BAZ1B: variants seen among roughly 807,000 people sequenced by gnomAD.
The protein encoded by BAZ1B is bromodomain adjacent to zinc finger domain 1B.
Under a neutral mutation model 153.8 loss-of-function variants are expected in BAZ1B, and 22 were observed. That is an observed-to-expected ratio of 0.14 (90% CI 0.10 to 0.20). The LOEUF (loss-of-function observed/expected upper bound fraction) is 0.20, where lower values mean the gene tolerates loss of function less well. Among genes scored for constraint, BAZ1B ranks in the 10% least tolerant of loss-of-function variants. BAZ1B has a pLI of 1.00. For synonymous variants in BAZ1B, 676 were observed against 633.4 expected (o/e 1.07, Z -1.01); for missense variants, 1,325 against 1,799.3 (o/e 0.74, Z 4.77).
At chr7:73,472,733 C>G (rs1214263379) in intron 7 of BAZ1B, among the ~76,000 whole-genome samples, 2 of 128,132 alleles carry the variant, frequency 1.6e-5, no homozygotes, top group Admixed American at 1.7e-4. Flanking sequence ...TGTGCCACCA[C>G]AGCCAGCTAA....
intron 6 of BAZ1B, among the ~76,000 whole-genome samples, chr7:73,479,434 G>C (rs1029201167): frequency 4.0e-5 from 6 of 150,936 alleles, no homozygotes; most frequent in African/African-American, 1.5e-4. Context: ...CTTGAACCCG[G>C]GAGGAGGAGG....
chr7:73,486,227 A>G (rs1309809624), intron 6 of BAZ1B, among the ~76,000 whole-genome samples: 1 of 152,200 alleles, frequency 6.6e-6, no homozygotes, highest in Non-Finnish European at 1.5e-5. Context: ...CCTCATCATC[A>G]TATTAGGTAC....
At chr7:73,521,705 G>T in intron 1 of BAZ1B, 122 bp downstream of exon 1, 2 of 747,224 alleles carry the variant, frequency 2.7e-6, no homozygotes, top group Non-Finnish European at 3.7e-6. Context: ...GCCCGCGAGC[G>T]GCCGGGGCGC....
chr7:73,484,580 C>CT (rs1179252409), intron 6 of BAZ1B, among the ~76,000 whole-genome samples: 1 of 151,904 alleles, frequency 6.6e-6, no homozygotes, highest in East Asian at 1.9e-4. Flanking sequence ...GAGGTCAAGA[C>CT]TGCAGTGAGC....
chr7:73,500,643 C>G (rs1272177225), intron 3 of BAZ1B, among the ~76,000 whole-genome samples: 1 of 152,098 alleles, frequency 6.6e-6, no homozygotes, highest in Non-Finnish European at 1.5e-5. Flanking sequence ...GTAATCCCAG[C>G]ACTTTGGGAG....
Position 73,508,366 on chromosome 7 carries a change from G to C in BAZ1B, c.330C>G (p.Ile110Met). Residue 110 changes from isoleucine (I) to methionine (M), a missense_variant, in exon 3 of 20, where the codon ATC becomes ATG. Ile to Met is a conservative substitution (Grantham distance 10). Around this residue, in one of 9 missense-constraint regions of BAZ1B, gnomAD observed 153 missense variants for 204.8 expected, o/e 0.75. Coordinates refer to ENST00000339594, the MANE Select transcript of BAZ1B (RefSeq NM_032408.4). ...CTTCTCCCACAGCATATTTGGTCAT[G>C]ATCTCCAACCAAGCAGTATCTACTA... ...EKLVDTAWLE[I>M]MTKYAVGEEC... 1 of 1,613,962 alleles carries C rather than the reference G, an allele frequency of 6.2e-7. No individual in the cohort carries two copies. Among genetic ancestry groups the C allele is most frequent in the Non-Finnish European group, 8.5e-7 (1 of 1,179,950 alleles).
intron 12 of BAZ1B, among the ~76,000 whole-genome samples, chr7:73,460,033 A>C (rs1788337878): frequency 2.6e-5 from 4 of 151,964 alleles, no homozygotes; most frequent in Admixed American, 2.6e-4. Flanking sequence ...CATCTCTACT[A>C]AAAATACAAA....
Position 73,510,817 on chromosome 7 carries a change from C to T in BAZ1B, c.143G>A (p.Arg48His), listed in dbSNP as rs782307839. The T allele has an allele frequency of 4.3e-6, 7 of 1,614,128 alleles. No individual in the cohort carries two copies. In the Admixed American group the frequency reaches 6.7e-5, roughly 15 times the overall value. Residue 48 changes from arginine to histidine, a missense_variant, in exon 2 of 20, where the codon CGC becomes CAC. Transcript: ENST00000339594. ...TCCAGTACTCTTGCACGTCCAAATG[C>T]GCTCACTGTACCTTTCCAAGCGGGC... ...YEARLERYSE[R>H]IWTCKSTGSS...
intron 5 of BAZ1B, among the ~76,000 whole-genome samples, chr7:73,490,359 G>C (rs1385161243): frequency 6.6e-6 from 1 of 152,072 alleles, no homozygotes; most frequent in East Asian, 1.9e-4. Context: ...ACTTTTAAAA[G>C]TCACTTAATA....
intron 6 of BAZ1B, among the ~76,000 whole-genome samples, chr7:73,486,828 A>G (rs1563386930): frequency 6.6e-6 from 1 of 152,376 alleles, no homozygotes; most frequent in South Asian, 2.1e-4. Context: ...TTCTAGAAAA[A>G]GAAAGAAAAC....
intron 17 of BAZ1B, among the ~76,000 whole-genome samples, chr7:73,443,152 A>C (rs1467472807): frequency 5.3e-5 from 8 of 152,236 alleles, no homozygotes; most frequent in Non-Finnish European, 1.2e-4. Flanking sequence ...TAGCTCTCAG[A>C]GAACAGGTGG....
intron 4 of BAZ1B, among the ~76,000 whole-genome samples, chr7:73,493,454 C>G (rs1273732790): frequency 6.6e-6 from 1 of 151,188 alleles, no homozygotes; most frequent in Non-Finnish European, 1.5e-5. Context: ...AGCAAGACTC[C>G]GTCTCAAAAA....
At chr7:73,512,349 T>A (rs1429640613) in intron 1 of BAZ1B, among the ~76,000 whole-genome samples, 1 of 152,044 alleles carries the variant, frequency 6.6e-6, no homozygotes, top group Non-Finnish European at 1.5e-5. Context: ...GTGTATTTTA[T>A]GTGTGGCCCG....
intron 12 of BAZ1B, among the ~76,000 whole-genome samples, chr7:73,460,403 T>C (rs1166927386): frequency 6.6e-6 from 1 of 152,204 alleles, no homozygotes; most frequent in African/African-American, 2.4e-5. Flanking sequence ...TCCATCTTAA[T>C]GTTTTTTTAA....
intron 6 of BAZ1B, among the ~76,000 whole-genome samples, chr7:73,480,290 T>C (rs1231139077): frequency 6.6e-6 from 1 of 151,856 alleles, no homozygotes; most frequent in Non-Finnish European, 1.5e-5. Flanking sequence ...CTGATACACA[T>C]CTCATCTCCT....
Position 73,498,629 on chromosome 7 carries a change from C to A in BAZ1B, c.439G>T (p.Ala147Ser), listed in dbSNP as rs1554576682. The A allele has an allele frequency of 1.9e-6, 3 of 1,614,122 alleles. No individual in the cohort carries two copies. Among genetic ancestry groups the A allele is most frequent in the Admixed American group, 1.7e-5 (1 of 60,012 alleles). The stretch of plus-strand genomic sequence containing the variant: ...GCACCATCAGATTTCTTCTCAGTGG[C>A]CTCTTCATCCACTTTCTCCAAAGGA... ...IHPLEKVDEE[A>S]TEKKSDGACD... The change falls in exon 4 of 20, where the codon GCC becomes TCC. Residue 147 changes from alanine to serine, a missense_variant. Ala to Ser is a moderately conservative substitution (Grantham distance 99, BLOSUM62 1). Transcript: ENST00000339594.
chr7:73,468,767 C>T (rs1788687766), intron 9 of BAZ1B, among the ~76,000 whole-genome samples: 1 of 152,122 alleles, frequency 6.6e-6, no homozygotes, highest in Admixed American at 6.6e-5. Flanking sequence ...CTGCTATACC[C>T]CTAGCGTATG....
Position 73,522,220 on chromosome 7 carries a change from G to A in BAZ1B, c.-287C>T, listed in dbSNP as rs1554580391. On this transcript the variant is annotated 5_prime_UTR_variant, in exon 1 of 20. Transcript: ENST00000339594. ...GGCCGGCAGTCACGACTCCTCCTCAGCAGCACCGGAGGAAATTATTGAAAA... is the reference window on the plus strand; with the variant it reads ...GGCCGGCAGTCACGACTCCTCCTCAACAGCACCGGAGGAAATTATTGAAAA... 1.3e-5 allele frequency: 5 copies of A among 387,420 alleles called. No homozygotes were observed. Among genetic ancestry groups the A allele is most frequent in the African/African-American group, 2.1e-5 (1 of 48,120 alleles). 24.0% of individuals were successfully genotyped at this position (387,420 alleles called of 1,614,324 possible). A position where few individuals can be genotyped will look rare whatever the true frequency, so the allele number is the denominator to read the frequency against.
intron 12 of BAZ1B, 93 bp downstream of exon 12, chr7:73,462,829 A>G: frequency 7.5e-7 from 1 of 1,331,758 alleles, no homozygotes; most frequent in Non-Finnish European, 1.1e-6. Context: ...GATTTCCAGG[A>G]GGGTCATGTT....
Sources: allele counts gnomAD v4.1 joint callset (sites outside exome capture counted in the v4.1 genomes callset), GRCh38; gene constraint gnomAD v4.1.1; regional missense constraint gnomAD v4.1.1; transcripts MANE v1.5; gene names NCBI Gene and HGNC (gene_info 2026-07-23, HGNC 2026-07-21).